DLGAP2: variants seen among roughly 807,000 people sequenced by gnomAD.
DLGAP2 encodes DLG associated protein 2, also known as disks large-associated protein 2.
A neutral mutation model predicts 100.3 loss-of-function variants in DLGAP2; 26 were observed. The ratio of observed to expected loss-of-function variants is 0.26; its 90% CI spans 0.19 to 0.36. The LOEUF is 0.36. Ranked by LOEUF, DLGAP2 falls within the 10% of genes least tolerant of loss-of-function variation. The probability of loss-of-function intolerance (pLI) is 1.00; values close to 1 mark genes in which losing one functional copy is unlikely to be tolerated. For synonymous variants in DLGAP2, 886 were observed against 630.1 expected, an observed-to-expected ratio of 1.41 and a Z score of -6.08; for missense variants, 1,858 against 1,453.2, an observed-to-expected ratio of 1.28 and a Z score of -4.53.
chr8:1,481,122 A>G (rs1799080697), intron 3 of DLGAP2, among the ~76,000 whole-genome samples: 2 of 152,182 alleles, frequency 1.3e-5, no homozygotes, highest in South Asian at 2.1e-4. Flanking sequence ...CAGTGAGCCA[A>G]GATCACACCA....
chr8:1,473,684 C>T (rs930826437), intron 3 of DLGAP2, among the ~76,000 whole-genome samples: 4 of 152,098 alleles, frequency 2.6e-5, no homozygotes, highest in African/African-American at 9.7e-5. Context: ...AATGGCAGCT[C>T]CCATAATCTC....
At chr8:1,471,603 TC>T (rs2130201509) in intron 3 of DLGAP2, among the ~76,000 whole-genome samples, 1 of 130,548 alleles carries the variant, frequency 7.7e-6, no homozygotes, top group East Asian at 2.5e-4. Context: ...TCCTCTCACC[TC>T]CTGCCCACAG....
intron 3 of DLGAP2, among the ~76,000 whole-genome samples, chr8:1,264,510 C>G (rs1799413471): frequency 6.6e-6 from 1 of 152,128 alleles, no homozygotes; most frequent in Non-Finnish European, 1.5e-5. Flanking sequence ...GATCTGAGAT[C>G]TGAATTTATA....
At chr8:1,298,537 A>C (rs1800248653) in intron 3 of DLGAP2, among the ~76,000 whole-genome samples, 2 of 152,268 alleles carry the variant, frequency 1.3e-5, no homozygotes, top group South Asian at 4.1e-4. Context: ...CGTACCCTGC[A>C]GAAGAGTGGC....
chr8:1,392,706 T>C (rs1260886655), intron 3 of DLGAP2, among the ~76,000 whole-genome samples: 1 of 152,218 alleles, frequency 6.6e-6, no homozygotes, highest in Non-Finnish European at 1.5e-5. Flanking sequence ...TCAGCACATC[T>C]GCGTTTCAGT....
At position 1,453,497 on chromosome 8, in the gene DLGAP2, A is replaced by T. The variant is rs149717429; in HGVS notation, c.107-47869A>T. Among the ~76,000 whole-genome samples the T allele has an allele frequency of 7.5e-4, 114 of 152,262 alleles. 1 individual carries two copies. Among genetic ancestry groups the T allele is most frequent in the African/African-American group, 2.6e-3 (107 of 41,554 alleles). ...TATGCTGGAGTGTTGGCGTGGCTGC[A>T]TTGAAAATCATTATGTATTCTGAGT... On this transcript the variant is annotated intron_variant, in intron 3 of 14. Transcript: ENST00000637795.
chr8:1,487,638 G>A (rs972562219), intron 3 of DLGAP2, among the ~76,000 whole-genome samples: 3 of 152,178 alleles, frequency 2.0e-5, no homozygotes, highest in Admixed American at 1.3e-4. Context: ...ACATGTGTCT[G>A]TGACTGAACT....
chr8:1,417,839 T>C (rs1796974198), intron 3 of DLGAP2, among the ~76,000 whole-genome samples: 1 of 152,216 alleles, frequency 6.6e-6, no homozygotes, highest in Non-Finnish European at 1.5e-5. Context: ...ATTCGATTAT[T>C]ACCTCATCTT....
At chr8:1,577,633 A>G (rs1803042556) in intron 6 of DLGAP2, among the ~76,000 whole-genome samples, 1 of 151,542 alleles carries the variant, frequency 6.6e-6, no homozygotes, top group African/African-American at 2.4e-5. Context: ...CAAGAGGTTT[A>G]TTGTGAGAAA....
chr8:915,020 G>T (rs900785221), intron 2 of DLGAP2, among the ~76,000 whole-genome samples: 1 of 152,202 alleles, frequency 6.6e-6, no homozygotes, highest in African/African-American at 2.4e-5. Flanking sequence ...GTAACTTTGT[G>T]TGTAACTATC....
chr8:927,258 A>G (rs1234968962), intron 2 of DLGAP2: 7 of 982,348 alleles, frequency 7.1e-6, no homozygotes, highest in Non-Finnish European at 8.5e-6. Flanking sequence ...GATGGAGGAC[A>G]GTGATGAGCC....
chr8:950,857 C>G (rs1225259804), intron 2 of DLGAP2, among the ~76,000 whole-genome samples: 3 of 151,984 alleles, frequency 2.0e-5, no homozygotes, highest in East Asian at 3.9e-4. Context: ...ATTTCCTGAC[C>G]TTGTGGTCCA....
intron 2 of DLGAP2, among the ~76,000 whole-genome samples, chr8:1,041,863 T>C (rs1802362915): frequency 6.6e-6 from 1 of 151,510 alleles, no homozygotes; most frequent in African/African-American, 2.4e-5. Context: ...CCCTTTGCCG[T>C]GGGTCAGCTG....
intron 3 of DLGAP2, among the ~76,000 whole-genome samples, chr8:1,287,879 C>T (rs1799975927): frequency 1.1e-5 from 1 of 88,412 alleles, no homozygotes; most frequent in African/African-American, 4.8e-5. Flanking sequence ...TGTTTTGGTT[C>T]AGCATGTGTG....
chr8:1,560,120 C>A (rs139692980), intron 5 of DLGAP2, among the ~76,000 whole-genome samples: 7 of 152,188 alleles, frequency 4.6e-5, no homozygotes, highest in Non-Finnish European at 8.8e-5. Flanking sequence ...TTCATGTAGA[C>A]AATTTAAAAA....
At chr8:1,342,985 G>A (rs1801453651) in intron 3 of DLGAP2, among the ~76,000 whole-genome samples, 1 of 152,178 alleles carries the variant, frequency 6.6e-6, no homozygotes, top group African/African-American at 2.4e-5. Flanking sequence ...CATGGGTGCG[G>A]GGTGCTGGGA....
chr8:1,191,904 C>T (rs58224127), intron 2 of DLGAP2, among the ~76,000 whole-genome samples: 7,855 of 152,284 alleles, frequency 0.052, 530 homozygotes, highest in African/African-American at 0.16. Flanking sequence ...CCCCTCTGAG[C>T]ATGAAGCTCA....
At chr8:1,259,780 C>G (rs1799308346) in intron 3 of DLGAP2, 1 of 152,180 alleles carries the variant, frequency 6.6e-6, no homozygotes. Flanking sequence ...AAGGCTCTTA[C>G]TCGTAATTTA....
At chr8:1,124,950 C>T (rs1349135633) in intron 2 of DLGAP2, among the ~76,000 whole-genome samples, 1 of 152,202 alleles carries the variant, frequency 6.6e-6, no homozygotes, top group Non-Finnish European at 1.5e-5. Context: ...TCGTCCCCCT[C>T]ATCGCTGACT....
Sources: allele counts gnomAD v4.1 joint callset (sites outside exome capture counted in the v4.1 genomes callset), GRCh38; gene constraint gnomAD v4.1.1; transcripts MANE v1.5; gene names NCBI Gene and HGNC (gene_info 2026-07-23, HGNC 2026-07-21).